The following PKP3 variants were observed in gnomAD, a reference collection of about 807,000 sequenced individuals.
PKP3 encodes the protein plakophilin 3.
PKP3 carries 66 observed loss-of-function variants against 76.5 expected under a neutral mutation model. The observed-to-expected ratio is 0.86, with a 90% CI of 0.71 to 1.06. The LOEUF is 1.06. PKP3 is among the 50% of genes least tolerant of loss of function. The pLI is 0.00. For missense variants in PKP3, 1,338 were observed against 1,141.0 expected (o/e 1.17, Z -2.49); for synonymous variants, 638 against 516.5 (o/e 1.24, Z -3.19).
At chr11:396,290 T>C (rs1847043596) in intron 1 of PKP3, 2 of 340,294 alleles carry the variant, frequency 5.9e-6, no homozygotes, top group Admixed American at 4.6e-5. Flanking sequence ...TGGCAAGGAT[T>C]GGAGAACTGA....
intron 4 of PKP3, 61 bp downstream of exon 4, chr11:397,723 C>T (rs1590354022): frequency 2.6e-6 from 4 of 1,546,446 alleles, no homozygotes; most frequent in African/African-American, 2.7e-5. Flanking sequence ...GCCCCACCAC[C>T]TCCCACTGTC....
At position 397,618 on chromosome 11, in the gene PKP3, T is replaced by C. The variant is rs1382774527; in HGVS notation, c.1024T>C (p.Tyr342His). The change falls in exon 4 of 13, where the codon TAC becomes CAC. Residue 342 changes from tyrosine (Y) to histidine (H), a missense_variant. Transcript: ENST00000331563. ...DPNLQVLGAA[Y>H]IQHKCYSDAA... is the part of the protein sequence containing the mutation. Reference sequence around the variant, plus strand: ...CAACCTGCAGGTGCTGGGAGCGGCCTACATCCAGCACAAGTGCTACAGCGA... The same window carrying C: ...CAACCTGCAGGTGCTGGGAGCGGCCCACATCCAGCACAAGTGCTACAGCGA... 1 of 1,611,958 alleles carries C rather than the reference T, an allele frequency of 6.2e-7. No homozygotes were observed.
chr11:396,372 A>C, intron 1 of PKP3: 8 of 476,018 alleles, frequency 1.7e-5, no homozygotes, highest in East Asian at 3.5e-5. Context: ...CCTCTCGGGT[A>C]GAGGAGGCAC....
Position 404,438 on chromosome 11 carries a change from G to C in PKP3, c.2359-96G>C. The C allele has an allele frequency of 6.7e-7, 1 of 1,496,364 alleles. No homozygotes were observed. The highest frequency in any genetic ancestry group is 9.3e-7 in the Non-Finnish European group (1 of 1,074,234). The allele number at this position is 1,496,364 out of a possible 1,614,324, so 92.7% of individuals were successfully genotyped here. Reference sequence around the variant, plus strand: ...GGAGACCAGGGACCCAGAGAGGAAGGGTCCGGGCCACACCCAGCACACTGC... The same window carrying C: ...GGAGACCAGGGACCCAGAGAGGAAGCGTCCGGGCCACACCCAGCACACTGC... On this transcript the variant is annotated intron_variant, in intron 12 of 12. Coordinates refer to ENST00000331563, the MANE Select transcript of PKP3 (RefSeq NM_007183.4). This position sits in a 1 kb window ranked among gnomAD's most constrained non-coding sequence, Gnocchi z 4.2.
rs193021127 is a variant in PKP3, at chr11:404,609, C to T, written c.*40C>T. On this transcript the variant is annotated 3_prime_UTR_variant, in exon 13 of 13. Transcript: ENST00000331563. This position sits in a 1 kb window ranked among gnomAD's most constrained non-coding sequence, Gnocchi z 4.2. ...AGGAGAAGGTGACGTGGCCCAGCGT[C>T]CAAGGGACAGACTCAGCTCCAGGCT... The T allele has an allele frequency of 4.8e-4, 761 of 1,598,654 alleles. 5 individuals are homozygous for T. The African/African-American group carries it at 8.3e-3, about 17-fold the overall frequency.
upstream of PKP3, among the ~76,000 whole-genome samples, chr11:392,868 C>T (rs2133591356): frequency 6.6e-6 from 1 of 152,152 alleles, no homozygotes; most frequent in African/African-American, 2.4e-5. Flanking sequence ...TGACCTCACC[C>T]TTAATGCTGC....
At chr11:397,986 G>T (rs1407619747) in intron 4 of PKP3, among the ~76,000 whole-genome samples, 1 of 55,580 alleles carries the variant, frequency 1.8e-5, no homozygotes. Context: ...CCGTACCCCC[G>T]CACACACCTG....
Position 400,572 on chromosome 11 carries a change from C to A in PKP3, c.1604C>A (p.Ser535Tyr). ...GCGGTGTGCGTCCTGCGGAACCTGT[C>A]CTACCGCCTCTACGACGAGATGCCG... The part of the protein sequence containing the change: ...ENAVCVLRNL[S>Y]YRLYDEMPPS... The change falls in exon 8 of 13, where the codon TCC (serine) becomes TAC (tyrosine). Residue 535 changes from serine (S) to tyrosine (Y), a missense_variant. Transcript: ENST00000331563. The A allele has an allele frequency of 6.7e-7, 1 of 1,485,732 alleles. No individual in the cohort carries two copies. The allele number at this position is 1,485,732 out of a possible 1,614,324, so 92.0% of individuals were successfully genotyped here.
At chr11:403,292 G>C in intron 9 of PKP3, 29 bp downstream of exon 9, 1 of 1,518,498 alleles carries the variant, frequency 6.6e-7, no homozygotes, top group Non-Finnish European at 8.8e-7. Context: ...ACCCGAGGGG[G>C]TCCCAGGGGT....
In PKP3 at chr11:403,200, C is replaced by G; in HGVS notation, c.1860C>G (p.Leu620=). 6.3e-7 allele frequency: 1 copy of G among 1,591,196 alleles called. No individual in the cohort carries two copies. Among genetic ancestry groups the G allele is most frequent in the East Asian group, 2.3e-5 (1 of 43,758 alleles). The change falls in exon 9 of 13, where the codon CTC becomes CTG. Residue 620 remains leucine (L), a synonymous_variant. Coordinates refer to ENST00000331563, the MANE Select transcript of PKP3 (RefSeq NM_007183.4). ...LYNRLLQRCE[L]NRHTTEAAAG... The stretch of plus-strand genomic sequence containing the variant: ...ACCGGCTGCTGCAGCGCTGCGAGCT[C>G]AACCGGCACACGACGGAGGCGGCCG...
chr11:403,992 T>C lies in PKP3; in HGVS notation c.2127T>C (p.Gly709=). ...TCGAGAAGCTGCCGGGCAGCGTGGG[T>C]GAGAAGTCGCCCCCAGCCGAGGTGC... is the stretch of plus-strand genomic sequence containing the variant. The part of the protein sequence containing the change: ...HLIEKLPGSV[G]EKSPPAEVLV... Residue 709 remains glycine, a synonymous_variant, in exon 11 of 13, where the codon GGT becomes GGC. Transcript: ENST00000331563. The C allele has an allele frequency of 6.2e-7, 1 of 1,610,718 alleles. No homozygotes were observed. The highest frequency in any genetic ancestry group is 8.5e-7 in the Non-Finnish European group (1 of 1,178,670).
upstream of PKP3, chr11:394,131 C>T (rs1019576562): frequency 2.1e-5 from 24 of 1,161,456 alleles, no homozygotes; most frequent in African/African-American, 8.2e-5. Flanking sequence ...CAGGTGTCCC[C>T]GCCCCCAGCT....
Position 400,439 on chromosome 11 carries a change from A to C in PKP3, c.1554A>C (p.Lys518Asn), listed in dbSNP as rs144889596. ...TSINHALDAG[K>N]CEDKSVENAV... ...TCAACCACGCCCTGGACGCGGGCAAATGCGAGGACAAGGTGAGGGGCGCGG... is the reference window on the plus strand; with the variant it reads ...TCAACCACGCCCTGGACGCGGGCAACTGCGAGGACAAGGTGAGGGGCGCGG... The change falls in exon 7 of 13, where the codon AAA becomes AAC. Residue 518 changes from lysine (K) to asparagine (N), a missense_variant. By Grantham distance (94) the Lys-to-Asn change is moderately conservative (BLOSUM62 0). Coordinates refer to ENST00000331563, the MANE Select transcript of PKP3 (RefSeq NM_007183.4). The C allele has an allele frequency of 6.5e-7, 1 of 1,546,204 alleles. No individual in the cohort carries two copies. The highest frequency in any genetic ancestry group is 8.7e-7 in the Non-Finnish European group (1 of 1,145,264).
Position 404,127 on chromosome 11 carries a change from G to A in PKP3, c.2262G>A (p.Lys754=). The A allele has an allele frequency of 6.2e-7, 1 of 1,610,094 alleles. No individual in the cohort carries two copies. The highest frequency in any genetic ancestry group is 8.5e-7 in the Non-Finnish European group (1 of 1,178,140). ...GAAAGCTCATCTTCATCAAGAAGAA[G>A]CGGGACAGGTAGGGGCCGACCCAGC... ...GLRKLIFIKK[K]RDSPDSEKSS... The change falls in exon 11 of 13, where the codon AAG becomes AAA. Residue 754 remains lysine (K), a synonymous_variant. Coordinates refer to ENST00000331563, the MANE Select transcript of PKP3 (RefSeq NM_007183.4). This position sits in a 1 kb window ranked among gnomAD's most constrained non-coding sequence, Gnocchi z 4.2.
chr11:395,325 T>C (rs1471217979), intron 1 of PKP3, among the ~76,000 whole-genome samples: 2 of 152,138 alleles, frequency 1.3e-5, no homozygotes, highest in South Asian at 2.1e-4. Flanking sequence ...CATGGTCCAC[T>C]TGGTGTTTAG....
In PKP3 at chr11:404,619, G is replaced by C; in HGVS notation, c.*50G>C. 2 of 1,584,058 alleles carry C rather than the reference G, an allele frequency of 1.3e-6. No homozygotes were observed. The highest frequency in any genetic ancestry group is 1.1e-5 in the South Asian group (1 of 90,464). On this transcript the variant is annotated 3_prime_UTR_variant, in exon 13 of 13. Transcript: ENST00000331563. The surrounding 1 kb of genome is among the most constrained non-coding windows in gnomAD (Gnocchi z 4.2). Reference sequence around the variant, plus strand: ...GACGTGGCCCAGCGTCCAAGGGACAGACTCAGCTCCAGGCTGCTTGGCAGC... The same window carrying C: ...GACGTGGCCCAGCGTCCAAGGGACACACTCAGCTCCAGGCTGCTTGGCAGC...
At chr11:399,371 C>CT (rs566987603) in intron 5 of PKP3, among the ~76,000 whole-genome samples, 175 bp downstream of exon 5, 3,625 of 33,928 alleles carry the variant, frequency 0.11, 523 homozygotes, top group African/African-American at 0.28. Context: ...GCCTTACCCC[C>CT]CCACCTGCCC....
At position 400,656 on chromosome 11, in the gene PKP3, C is replaced by A; in HGVS notation, c.1688C>A (p.Pro563Gln). ...CGCAGGGACCTGGCGGGGGCGCCGC[C>A]GGGAGAGGTCGTGGGCTGCTTCACG... The part of the protein sequence containing the change: ...RGRRDLAGAP[P>Q]GEVVGCFTPQ... The change falls in exon 8 of 13, where the codon CCG (proline) becomes CAG (glutamine). Residue 563 changes from proline to glutamine, a missense_variant. Transcript: ENST00000331563. The A allele has an allele frequency of 7.4e-7, 1 of 1,358,062 alleles. No individual in the cohort carries two copies. Among genetic ancestry groups the A allele is most frequent in the South Asian group, 1.7e-5 (1 of 60,326 alleles). 84.1% of individuals were successfully genotyped at this position (1,358,062 alleles called of 1,614,324 possible).
rs1361362978 is a variant in PKP3 at position 400,401 on chromosome 11, C to G, written c.1516C>G (p.Leu506Val). The change falls in exon 7 of 13, where the codon CTG (leucine) becomes GTG (valine). Residue 506 changes from leucine to valine, a missense_variant. Physicochemically the swap from Leu to Val is conservative, Grantham distance 32 (BLOSUM62 1). Coordinates refer to ENST00000331563, the MANE Select transcript of PKP3 (RefSeq NM_007183.4). ...GGAGTGCCACGGGCTGGTGGACGCCCTGGTCACCTCTATCAACCACGCCCT... is the reference window on the plus strand; with the variant it reads ...GGAGTGCCACGGGCTGGTGGACGCCGTGGTCACCTCTATCAACCACGCCCT... ...MRECHGLVDA[L>V]VTSINHALDA... The G allele has an allele frequency of 6.5e-7, 1 of 1,548,822 alleles. No individual in the cohort carries two copies.
Sources: gnomAD v4.1 joint callset for allele counts (sites outside exome capture counted in the v4.1 genomes callset) on GRCh38, gnomAD v4.1.1 for gene constraint, Gnocchi (gnomAD v3.1) non-coding constraint, MANE v1.5 for transcripts, NCBI Gene and HGNC (gene_info 2026-07-23, HGNC 2026-07-21) for gene names.